Variants in LPL observed in about 807,000 individuals in gnomAD.
The protein encoded by LPL is phospholipase A1.
A neutral mutation model predicts 52.2 loss-of-function variants in LPL; 43 were observed. That is an observed-to-expected ratio of 0.82 (90% CI 0.64 to 1.06). The LOEUF is 1.06. LPL is among the 50% of genes least tolerant of loss of function. The pLI, the probability that LPL is intolerant of heterozygous loss-of-function variation, is 0.00. For synonymous variants in LPL, 244 were observed against 215.6 expected, an observed-to-expected ratio of 1.13 and a Z score of -1.15; for missense variants, 639 against 585.3, an observed-to-expected ratio of 1.09 and a Z score of -0.95.
At chr8:19,957,988 T>TTTTATTTA (rs10634207) in intron 6 of LPL, among the ~76,000 whole-genome samples, 6,762 of 140,798 alleles carry the variant, frequency 0.048, 197 homozygotes, top group African/African-American at 0.077. Context: ...CCAAGAATTA[T>TTTTATTTA]TTTATTTATT....
chr8:19,956,554 C>T (rs2069987823), intron 6 of LPL, among the ~76,000 whole-genome samples: 1 of 152,128 alleles, frequency 6.6e-6, no homozygotes, highest in Non-Finnish European at 1.5e-5. Flanking sequence ...TATTCCATCA[C>T]CCAGGTATTA....
Position 19,965,700 on chromosome 8 carries a change from G to A in LPL, c.*390G>A, listed in dbSNP as rs1025593146. 3.8e-5 allele frequency: 7 copies of A among 182,192 alleles called. No homozygotes were observed. Among genetic ancestry groups the A allele is most frequent in the Admixed American group, 1.2e-4 (2 of 17,010 alleles). 11.3% of individuals were successfully genotyped at this position (182,192 alleles called of 1,614,324 possible). A position where few individuals can be genotyped will look rare whatever the true frequency, so the allele number is the denominator to read the frequency against. On this transcript the variant is annotated 3_prime_UTR_variant, in exon 10 of 10. Coordinates refer to ENST00000650287, the MANE Select transcript of LPL (RefSeq NM_000237.3). The stretch of plus-strand genomic sequence containing the variant: ...TTTTAATTGGAATTCTGGATCTTTC[G>A]GACTGAGGCCTTCTCAAACTTTACT...
chr8:19,951,462 T>C (rs2069933578), intron 2 of LPL, among the ~76,000 whole-genome samples: 1 of 152,218 alleles, frequency 6.6e-6, no homozygotes, highest in South Asian at 2.1e-4. Context: ...AGACCAATCT[T>C]TCCTTTTAAT....
At chr8:19,951,176 C>T (rs80341714) in intron 2 of LPL, among the ~76,000 whole-genome samples, 1,737 of 152,268 alleles carry the variant, frequency 0.011, 38 homozygotes, top group African/African-American at 0.04. Context: ...TTAGACACAG[C>T]TATCTTGGAG....
intron 1 of LPL, among the ~76,000 whole-genome samples, chr8:19,947,937 G>C (rs1380472561): frequency 6.6e-6 from 1 of 152,170 alleles, no homozygotes; most frequent in African/African-American, 2.4e-5. Flanking sequence ...TTCAAGAAAG[G>C]CTGGAAGACT....
chr8:19,957,573 TC>T (rs1443026138), intron 6 of LPL, among the ~76,000 whole-genome samples: 4 of 152,134 alleles, frequency 2.6e-5, no homozygotes, highest in Non-Finnish European at 5.9e-5. Flanking sequence ...TCTGTCAGTG[TC>T]CCCTAGGGGC....
At chr8:19,945,096 G>A (rs1306176121) in intron 1 of LPL, among the ~76,000 whole-genome samples, 2 of 152,130 alleles carry the variant, frequency 1.3e-5, no homozygotes, top group Admixed American at 6.5e-5. Flanking sequence ...AGTTGGATGA[G>A]TGCAGTCACT....
intron 1 of LPL, chr8:19,946,593 T>G (rs1263832541): frequency 3.4e-6 from 1 of 296,204 alleles, no homozygotes; most frequent in East Asian, 1.2e-4. Flanking sequence ...AAAGAGCAAA[T>G]TTAGATTAAG....
At chr8:19,947,000 G>A (rs2069886881) in intron 1 of LPL, among the ~76,000 whole-genome samples, 1 of 152,174 alleles carries the variant, frequency 6.6e-6, no homozygotes, top group East Asian at 1.9e-4. Flanking sequence ...TTGCCTTTGT[G>A]TGGAACATTG....
chr8:19,941,793 C>T (rs2069842755), intron 1 of LPL, among the ~76,000 whole-genome samples: 1 of 152,180 alleles, frequency 6.6e-6, no homozygotes, highest in African/African-American at 2.4e-5. Context: ...GGATCACCTC[C>T]TCTGGGCTCT....
chr8:19,949,281 T>C (rs2069911159), intron 2 of LPL, among the ~76,000 whole-genome samples: 1 of 152,158 alleles, frequency 6.6e-6, no homozygotes, highest in Non-Finnish European at 1.5e-5. Context: ...CCTACATAAT[T>C]TAAGTGGCTT....
intron 6 of LPL, among the ~76,000 whole-genome samples, chr8:19,958,785 C>T (rs1394522300): frequency 3.3e-5 from 5 of 152,096 alleles, no homozygotes; most frequent in African/African-American, 4.8e-5. Flanking sequence ...ACCGGAAGCC[C>T]GCTTACAGTC....
intron 7 of LPL, among the ~76,000 whole-genome samples, chr8:19,959,864 C>A (rs1364418896): frequency 7.2e-6 from 1 of 139,144 alleles, no homozygotes; most frequent in Non-Finnish European, 1.5e-5. Context: ...TCTCAGCTCA[C>A]TGCAACCTCT....
At chr8:19,947,989 T>C (rs1370310122) in intron 1 of LPL, among the ~76,000 whole-genome samples, 191 bp from the exon 2 acceptor site, 1 of 152,150 alleles carries the variant, frequency 6.6e-6, no homozygotes, top group Non-Finnish European at 1.5e-5. Context: ...AGAGTTAAGG[T>C]TGTCTCTCTG....
At chr8:19,955,739 TTCTAC>T in intron 5 of LPL, 97 bp from the exon 6 acceptor site, 2 of 1,448,454 alleles carry the variant, frequency 1.4e-6, no homozygotes, top group Non-Finnish European at 1.9e-6. Context: ...CCTTGGGTGA[TTCTAC>T]TCTAACACCA....
At position 19,965,576 on chromosome 8, in the gene LPL, T is replaced by C. The variant is rs949807542; in HGVS notation, c.*266T>C. ...CAGTGGATCATGAAAAGTGCTGTTTTGTCCTTTGAGAAAGAAATAATTGTT... is the reference window on the plus strand; with the variant it reads ...CAGTGGATCATGAAAAGTGCTGTTTCGTCCTTTGAGAAAGAAATAATTGTT... On this transcript the variant is annotated 3_prime_UTR_variant, in exon 10 of 10. Coordinates refer to ENST00000650287, the MANE Select transcript of LPL (RefSeq NM_000237.3). 7 of 459,428 alleles carry C rather than the reference T, an allele frequency of 1.5e-5. 1 individual carries two copies. The highest frequency in any genetic ancestry group is 1.0e-4 in the East Asian group (3 of 29,558). The allele number at this position is 459,428 out of a possible 1,614,324, so 28.5% of individuals were successfully genotyped here.
rs1459687684 is a variant in LPL at position 19,962,216 on chromosome 8, G to C, written c.1424G>C (p.Gly475Ala). Reference protein sequence around the residue: ...CHDKSLNKKSG With the variant: ...CHDKSLNKKSA Reference sequence around the variant, plus strand: ...GACAAGTCTCTGAATAAGAAGTCAGGCTGGTGAGCATTCTGGGCTAAAGCT... The same window carrying C: ...GACAAGTCTCTGAATAAGAAGTCAGCCTGGTGAGCATTCTGGGCTAAAGCT... Residue 475 changes from glycine to alanine, a missense_variant, in exon 9 of 10, where the codon GGC becomes GCC. Gly to Ala is a moderately conservative substitution (Grantham distance 60, BLOSUM62 0). Coordinates refer to ENST00000650287, the MANE Select transcript of LPL (RefSeq NM_000237.3). 6.2e-7 allele frequency: 1 copy of C among 1,613,072 alleles called. No individual in the cohort carries two copies.
At chr8:19,945,826 G>A (rs917704513) in intron 1 of LPL, among the ~76,000 whole-genome samples, 2 of 152,160 alleles carry the variant, frequency 1.3e-5, no homozygotes, top group Non-Finnish European at 2.9e-5. Context: ...GGTGGTAAGC[G>A]AGATCTGTCT....
intron 3 of LPL, 136 bp downstream of exon 3, chr8:19,952,084 G>A: frequency 2.0e-6 from 2 of 980,580 alleles, no homozygotes; most frequent in Non-Finnish European, 1.6e-6. Context: ...AATCAGCGTG[G>A]ATATTATTTT....
Sources: allele counts gnomAD v4.1 joint callset (sites outside exome capture counted in the v4.1 genomes callset), GRCh38; gene constraint gnomAD v4.1.1; transcripts MANE v1.5; gene names NCBI Gene and HGNC (gene_info 2026-07-23, HGNC 2026-07-21).